The following AOPEP variants were observed in gnomAD, a reference collection of about 807,000 sequenced individuals.
AOPEP encodes aminopeptidase O (putative), also known as aminopeptidase O.
In AOPEP, 77 loss-of-function variants were observed where a neutral mutation model predicts 98.1. The observed-to-expected ratio is 0.78, with a 90% confidence interval of 0.65 to 0.95. The LOEUF (loss-of-function observed/expected upper bound fraction) is 0.95. Ranked by LOEUF, AOPEP falls within the 40% of genes least tolerant of loss-of-function variation. AOPEP has a pLI of 0.00. For missense variants in AOPEP, 1,024 were observed against 1,024.7 expected (o/e 1.00, Z 0.01); for synonymous variants, 346 against 365.3 (o/e 0.95, Z 0.60).
chr9:94,875,533 C>T (rs2046847753), intron 5 of AOPEP, among the ~76,000 whole-genome samples: 1 of 152,204 alleles, frequency 6.6e-6, no homozygotes, highest in Non-Finnish European at 1.5e-5. Flanking sequence ...CGACCTTTGC[C>T]TTATTTGAAG....
At chr9:94,731,224 C>A (rs1016092523) in intron 1 of AOPEP, among the ~76,000 whole-genome samples, 5 of 152,026 alleles carry the variant, frequency 3.3e-5, no homozygotes, top group Non-Finnish European at 7.4e-5. Flanking sequence ...AGAGACTTAT[C>A]CAACTTGTTT....
intron 11 of AOPEP, among the ~76,000 whole-genome samples, chr9:94,983,721 A>G (rs189956430): frequency 1.1e-3 from 165 of 152,230 alleles, no homozygotes; most frequent in Admixed American, 2.0e-3. Flanking sequence ...GGTATTTGCA[A>G]GCTTTTCCAT....
At chr9:94,837,873 C>G (rs982851281) in intron 5 of AOPEP, among the ~76,000 whole-genome samples, 1 of 152,182 alleles carries the variant, frequency 6.6e-6, no homozygotes, top group Non-Finnish European at 1.5e-5. Context: ...CCCACTCTCA[C>G]CACTTCTATT....
chr9:94,960,195 A>T (rs886261318), intron 9 of AOPEP, among the ~76,000 whole-genome samples: 1 of 152,092 alleles, frequency 6.6e-6, no homozygotes, highest in African/African-American at 2.4e-5. Flanking sequence ...GTGGATCATG[A>T]GGTCAGGAGT....
chr9:95,046,595 G>C lies in AOPEP; in HGVS notation c.2116-14099G>C, dbSNP rs2065886218. Among the ~76,000 whole-genome samples, 4 of 152,196 alleles carry C rather than the reference G, an allele frequency of 2.6e-5. No individual in the cohort carries two copies. The South Asian group carries it at 8.3e-4, about 31-fold the overall frequency. ...CATTTAAAGGGGAGTGTTGTGTGCT[G>C]TACACGAAGAGATCGACCCAGCTAA... On this transcript the variant is annotated intron_variant, in intron 13 of 16. Transcript: ENST00000375315.
chr9:94,979,254 G>T, intron 10 of AOPEP, 113 bp from the exon 11 acceptor site: 1 of 673,612 alleles, frequency 1.5e-6, no homozygotes, highest in South Asian at 1.9e-5. Flanking sequence ...TGTAAAGCAC[G>T]GGCACTTCTG....
At chr9:94,873,722 A>T (rs2046599368) in intron 5 of AOPEP, among the ~76,000 whole-genome samples, 1 of 152,192 alleles carries the variant, frequency 6.6e-6, no homozygotes. Flanking sequence ...TAATATATTG[A>T]TTGAACAAAG....
In AOPEP at chr9:95,082,610, G is replaced by A. The variant is rs146279259; in HGVS notation, c.2355G>A (p.Val785=). ...MGVYLYGELM[V]SEDARQQQLA... is the part of the protein sequence containing the mutation. ...TGTACCTCTACGGGGAGCTGATGGTGAGTGAGGACGCCAGACAGCAGCAGC... is the reference window on the plus strand; with the variant it reads ...TGTACCTCTACGGGGAGCTGATGGTAAGTGAGGACGCCAGACAGCAGCAGC... Residue 785 remains valine, a synonymous_variant, in exon 16 of 17, where the codon GTG becomes GTA. Transcript: ENST00000375315. The A allele has an allele frequency of 6.8e-6, 11 of 1,614,248 alleles. No individual in the cohort carries two copies. The highest frequency in any genetic ancestry group is 3.3e-5 in the South Asian group (3 of 91,086).
intron 1 of AOPEP, among the ~76,000 whole-genome samples, chr9:94,752,067 T>C (rs1835925962): frequency 6.6e-6 from 1 of 151,962 alleles, no homozygotes; most frequent in Non-Finnish European, 1.5e-5. Context: ...CTAACTGTTA[T>C]TTGTGGAGAG....
At chr9:94,741,433 T>C (rs551893284) in intron 1 of AOPEP, among the ~76,000 whole-genome samples, 16 of 151,958 alleles carry the variant, frequency 1.1e-4, no homozygotes, top group African/African-American at 3.4e-4. Context: ...CCACCATGCC[T>C]GGCTAATTTT....
chr9:94,852,122 A>G (rs1387842770), intron 5 of AOPEP, among the ~76,000 whole-genome samples: 2 of 152,244 alleles, frequency 1.3e-5, no homozygotes, highest in Admixed American at 6.5e-5. Context: ...AGCGGCTGCT[A>G]TGGGAGATGC....
intron 1 of AOPEP, among the ~76,000 whole-genome samples, chr9:94,728,501 G>A (rs893286469): frequency 2.0e-5 from 3 of 152,098 alleles, no homozygotes; most frequent in African/African-American, 7.2e-5. Flanking sequence ...CACTGTGCCC[G>A]GTCGAGGACA....
chr9:94,760,795 A>T, intron 2 of AOPEP: 1 of 409,236 alleles, frequency 2.4e-6, no homozygotes, highest in Non-Finnish European at 4.3e-6. Flanking sequence ...GGATGAAAAG[A>T]TTATTAAGCC....
At chr9:94,933,029 A>G (rs930519425) in intron 7 of AOPEP, 116 of 985,314 alleles carry the variant, frequency 1.2e-4, no homozygotes, top group Non-Finnish European at 1.4e-4. Context: ...TCCCACAGAT[A>G]AGACCCCAAG....
chr9:94,979,399 A>G lies in AOPEP; in HGVS notation c.1949A>G (p.Asp650Gly), dbSNP rs1398860014. Residue 650 changes from aspartate to glycine, a missense_variant, in exon 11 of 17, where the codon GAC becomes GGC. Coordinates refer to ENST00000375315, the MANE Select transcript of AOPEP (RefSeq NM_001193329.3). ...CTGTCTGTTGAAAACATCTACCAAG[A>G]CTGGCTTGAGAGTTCCGGAATACCA... is the stretch of plus-strand genomic sequence containing the variant. ...LELSVENIYQ[D>G]WLESSGIPKP... 6.2e-7 allele frequency: 1 copy of G among 1,602,396 alleles called. No homozygotes were observed. The highest frequency in any genetic ancestry group is 8.5e-7 in the Non-Finnish European group (1 of 1,172,550).
At chr9:94,783,300 C>T (rs1369666527) in intron 3 of AOPEP, among the ~76,000 whole-genome samples, 2 of 152,196 alleles carry the variant, frequency 1.3e-5, no homozygotes, top group African/African-American at 2.4e-5. Context: ...GTGCCTGAGG[C>T]GGTACCATGT....
At chr9:94,935,813 C>G (rs1031316820) in intron 7 of AOPEP, among the ~76,000 whole-genome samples, 3 of 152,174 alleles carry the variant, frequency 2.0e-5, no homozygotes, top group African/African-American at 2.4e-5. Flanking sequence ...ATGCTTAACT[C>G]CCCGTTGACA....
chr9:95,043,303 C>G (rs1214495332), intron 13 of AOPEP, among the ~76,000 whole-genome samples: 1 of 103,770 alleles, frequency 9.6e-6, no homozygotes, highest in Non-Finnish European at 2.2e-5. Context: ...TGTATATGCA[C>G]ATATACAGAT....
At chr9:95,039,472 T>C (rs1358824846) in intron 13 of AOPEP, among the ~76,000 whole-genome samples, 1 of 152,138 alleles carries the variant, frequency 6.6e-6, no homozygotes, top group Non-Finnish European at 1.5e-5. Context: ...CTTGGAAGGC[T>C]GAGGTGAGAG....
Sources: gnomAD v4.1 joint callset for allele counts (sites outside exome capture counted in the v4.1 genomes callset) on GRCh38, gnomAD v4.1.1 for gene constraint, MANE v1.5 for transcripts, NCBI Gene and HGNC (gene_info 2026-07-23, HGNC 2026-07-21) for gene names.